Variants in ENTREP2 observed in about 807,000 individuals in gnomAD.
ENTREP2 encodes protein ENTREP2.
the ENTREP2 span, among the ~76,000 whole-genome samples, chr15:29,570,347 C>T: frequency 1.3e-5 from 2 of 151,854 alleles, no homozygotes; most frequent in Admixed American, 6.6e-5. Flanking sequence ...AGTTATTCTG[C>T]TCGGAGTTTC....
chr15:29,543,342 A>G, the ENTREP2 span, among the ~76,000 whole-genome samples: 2 of 152,332 alleles, frequency 1.3e-5, no homozygotes, highest in East Asian at 1.9e-4. Context: ...ATTCTAACAC[A>G]TAACATAATT....
the ENTREP2 span, among the ~76,000 whole-genome samples, chr15:29,343,393 G>A: frequency 2.0e-5 from 3 of 152,194 alleles, no homozygotes; most frequent in East Asian, 5.8e-4. Flanking sequence ...CCAAGTAGAA[G>A]GAATTCCTTT....
chr15:29,516,752 T>G, the ENTREP2 span, among the ~76,000 whole-genome samples: 7 of 152,032 alleles, frequency 4.6e-5, no homozygotes. Context: ...TCTCTATTCT[T>G]TTCTGGGCGT....
the ENTREP2 span, among the ~76,000 whole-genome samples, chr15:29,130,781 C>A: frequency 1.3e-5 from 2 of 152,152 alleles, no homozygotes; most frequent in African/African-American, 4.8e-5. Context: ...AGCCACCTTG[C>A]CACGCTAAGC....
chr15:29,269,054 C>G, the ENTREP2 span: 1 of 1,614,124 alleles, frequency 6.2e-7, no homozygotes, highest in Non-Finnish European at 8.5e-7. Context: ...TTCTTTGGAT[C>G]TCCGAAAATT....
chr15:29,472,410 TACACACACACAACACACAACACACAC>T, the ENTREP2 span, among the ~76,000 whole-genome samples: 1 of 143,262 alleles, frequency 7.0e-6, no homozygotes, highest in Non-Finnish European at 1.5e-5. Context: ...AAATATTTTA[TACACACACACAACACACAACACACAC>T]ACACACACAC....
chr15:29,343,434 T>C, the ENTREP2 span, among the ~76,000 whole-genome samples: 1 of 151,772 alleles, frequency 6.6e-6, no homozygotes, highest in African/African-American at 2.4e-5. Flanking sequence ...CCCAGCTGAG[T>C]TTCCAGCCTG....
chr15:29,364,039 C>T, the ENTREP2 span, among the ~76,000 whole-genome samples: 2 of 152,098 alleles, frequency 1.3e-5, no homozygotes, highest in African/African-American at 4.8e-5. Context: ...ATGCAAAACC[C>T]TGGGAACCCT....
the ENTREP2 span, among the ~76,000 whole-genome samples, chr15:29,453,884 T>C: frequency 6.6e-6 from 1 of 152,252 alleles, no homozygotes; most frequent in Non-Finnish European, 1.5e-5. Context: ...ATAACCACCC[T>C]GCTATTATTA....
chr15:29,451,992 T>G, the ENTREP2 span, among the ~76,000 whole-genome samples: 3 of 152,254 alleles, frequency 2.0e-5, no homozygotes, highest in Non-Finnish European at 2.9e-5. Flanking sequence ...TTTTAAAACC[T>G]TTTTCCTGAA....
chr15:29,592,906 TC>T, the ENTREP2 span, among the ~76,000 whole-genome samples: 1 of 152,144 alleles, frequency 6.6e-6, no homozygotes, highest in South Asian at 2.1e-4. Flanking sequence ...ACACAGCAGC[TC>T]CCCTTCACCT....
the ENTREP2 span, among the ~76,000 whole-genome samples, chr15:29,509,659 T>G: frequency 3.9e-5 from 6 of 152,206 alleles, no homozygotes; most frequent in Non-Finnish European, 8.8e-5. Flanking sequence ...GGGGAAAGGA[T>G]TCCATATTTA....
At chr15:29,151,880 G>A in the ENTREP2 span, 9 of 1,453,272 alleles carry the variant, frequency 6.2e-6, no homozygotes, top group Admixed American at 8.0e-5. Context: ...GCCTCATCCC[G>A]AAATAGATAG....
At chr15:29,261,825 A>G in the ENTREP2 span, among the ~76,000 whole-genome samples, 1 of 152,066 alleles carries the variant, frequency 6.6e-6, no homozygotes, top group Admixed American at 6.5e-5. Flanking sequence ...AATACATCTG[A>G]GAATTTATCA....
the ENTREP2 span, among the ~76,000 whole-genome samples, chr15:29,466,158 GGAAGGGCCAGTGAGAGCA>G: frequency 1.3e-5 from 2 of 152,310 alleles, no homozygotes; most frequent in African/African-American, 4.8e-5. Context: ...GAGTTCAGCA[GGAAGGGCCAGTGAGAGCA>G]GCTCCGAGCA....
chr15:29,368,337 A>AAAAAAAAT, the ENTREP2 span, among the ~76,000 whole-genome samples: 10 of 146,186 alleles, frequency 6.8e-5, 1 homozygote, highest in East Asian at 4.1e-4. Flanking sequence ...CAAAAAAAAA[A>AAAAAAAAT]ATATATATAT....
the ENTREP2 span, among the ~76,000 whole-genome samples, chr15:29,282,409 C>T: frequency 6.6e-6 from 1 of 152,154 alleles, no homozygotes; most frequent in African/African-American, 2.4e-5. Context: ...TATAAATTAC[C>T]CAGTCTTGGG....
chr15:29,514,435 C>T, the ENTREP2 span, among the ~76,000 whole-genome samples: 1 of 152,214 alleles, frequency 6.6e-6, no homozygotes, highest in Non-Finnish European at 1.5e-5. Flanking sequence ...ATACAGACCA[C>T]ATTTTATGTA....
the ENTREP2 span, among the ~76,000 whole-genome samples, chr15:29,221,325 C>A: frequency 6.6e-6 from 1 of 152,170 alleles, no homozygotes; most frequent in Admixed American, 6.5e-5. Flanking sequence ...CCTCAGCCTC[C>A]CAAGTAGCTG....
Sources: allele counts gnomAD v4.1 joint callset (sites outside exome capture counted in the v4.1 genomes callset), GRCh38; gene constraint gnomAD v4.1.1; transcripts MANE v1.5; gene names NCBI Gene and HGNC (gene_info 2026-07-23, HGNC 2026-07-21).